ALYREF: variants seen among roughly 807,000 people sequenced by gnomAD.
The protein encoded by ALYREF is THO complex subunit 4.
Under a neutral mutation model 25.2 loss-of-function variants are expected in ALYREF, and 1 was observed. The observed-to-expected ratio is 0.04, with a 90% CI of 0.01 to 0.19. The LOEUF is 0.19. Among genes scored for constraint, ALYREF ranks in the 10% least tolerant of loss-of-function variants. ALYREF has a pLI of 1.00. For missense variants in ALYREF, 328 were observed against 375.6 expected (o/e 0.87, Z 1.05); for synonymous variants, 193 against 153.5 (o/e 1.26, Z -1.90).
chr17:81,889,302 T>C lies in ALYREF; in HGVS notation c.418A>G (p.Lys140Glu). 6.2e-7 allele frequency: 1 copy of C among 1,614,134 alleles called. No homozygotes were observed. The highest frequency in any genetic ancestry group is 8.5e-7 in the Non-Finnish European group (1 of 1,179,968). ...QELFAEFGTL[K>E]KAAVHYDRSG... is the part of the protein sequence containing the mutation. ...CGATCATAGTGCACAGCCGCCTTCT[T>C]CAGCGTTCCAAATTCAGCAAAGAGT... The change falls in exon 3 of 6, where the codon AAG becomes GAG. Residue 140 changes from lysine to glutamate, a missense_variant. Transcript: ENST00000505490.
chr17:81,890,501 G>A (rs967749033), intron 2 of ALYREF, among the ~76,000 whole-genome samples, 188 bp downstream of exon 2: 2 of 152,104 alleles, frequency 1.3e-5, no homozygotes, highest in Admixed American at 1.3e-4. Context: ...AGTTCCTCAG[G>A]CTCAGCTAGG....
At chr17:81,889,474 G>T in intron 2 of ALYREF, 145 bp from the exon 3 acceptor site, 1 of 945,524 alleles carries the variant, frequency 1.1e-6, no homozygotes, top group Non-Finnish European at 1.6e-6. Flanking sequence ...TGAGGGAAGG[G>T]CGGGGCAGGA....
At chr17:81,890,892 T>G (rs948194085) in intron 1 of ALYREF, 72 bp from the exon 2 acceptor site, 30 of 1,595,340 alleles carry the variant, frequency 1.9e-5, no homozygotes, top group Non-Finnish European at 2.6e-5. Context: ...TCACGGCTAC[T>G]CCGGACCCTT....
rs911659099 is a variant in ALYREF, at chr17:81,891,572, A to C, written c.9T>G (p.Asp3Glu). 16 of 1,415,104 alleles carry C rather than the reference A, an allele frequency of 1.1e-5. No individual in the cohort carries two copies. Among genetic ancestry groups the C allele is most frequent in the Middle Eastern group, 3.7e-4 (2 of 5,448 alleles). The allele number at this position is 1,415,104 out of a possible 1,614,324, so 87.7% of individuals were successfully genotyped here. MPDSAPAMADKMD... is the reference protein window; with the variant it reads MPESAPAMADKMD... ...TTTTGTCGGCCATGGCGGGCGCGGA[A>C]TCGGGCATCGGCTCGAGCCCGCGCG... The change falls in exon 1 of 6, where the codon GAT becomes GAG. Residue 3 changes from aspartate (D) to glutamate (E), a missense_variant. By Grantham distance (45) the Asp-to-Glu change is conservative (BLOSUM62 2). Coordinates refer to ENST00000505490, the MANE Select transcript of ALYREF (RefSeq NM_005782.4).
In ALYREF at chr17:81,888,161, G is replaced by A. The variant is rs1384383592; in HGVS notation, c.781-16C>T. On this transcript the variant is annotated splice_polypyrimidine_tract_variant and intron_variant, in intron 5 of 5. Transcript: ENST00000505490. This position sits in a 1 kb window ranked among gnomAD's most constrained non-coding sequence, Gnocchi z 5.8. Reference sequence around the variant, plus strand: ...TGGTGTCCATCTGAAACACAGAGGAGAAAGAGGCTTGCATTCACAGGCGGC... The same window carrying A: ...TGGTGTCCATCTGAAACACAGAGGAAAAAGAGGCTTGCATTCACAGGCGGC... 4 of 1,614,116 alleles carry A rather than the reference G, an allele frequency of 2.5e-6. No homozygotes were observed. Among genetic ancestry groups the A allele is most frequent in the East Asian group, 2.2e-5 (1 of 44,876 alleles).
At chr17:81,890,668 C>G (rs755951129) in intron 2 of ALYREF, 21 bp downstream of exon 2, 15 of 1,611,736 alleles carry the variant, frequency 9.3e-6, no homozygotes, top group Non-Finnish European at 1.3e-5. Context: ...AACGGCTCAC[C>G]GAGAAGCCCT....
chr17:81,889,160 G>T (rs183694273), intron 3 of ALYREF, 22 bp downstream of exon 3: 2 of 1,611,478 alleles, frequency 1.2e-6, no homozygotes, highest in Middle Eastern at 1.7e-4. Context: ...CACAGTCAGC[G>T]TGGGTCCACC....
At position 81,888,545 on chromosome 17, in the gene ALYREF, C is replaced by G. The variant is rs1482369600; in HGVS notation, c.577G>C (p.Asp193His). ...CTCTGTGCAGGCCTCCGCTGTGCGT[C>G]AATCTGTGACGTGACAAGCTGAATG... ...MNIQLVTSQI[D>H]AQRRPAQSVN... The change falls in exon 4 of 6, where the codon GAC becomes CAC. Residue 193 changes from aspartate (D) to histidine (H), a missense_variant. Transcript: ENST00000505490. This position sits in a 1 kb window ranked among gnomAD's most constrained non-coding sequence, Gnocchi z 5.8. 1 of 1,596,974 alleles carries G rather than the reference C, an allele frequency of 6.3e-7. No individual in the cohort carries two copies. Among genetic ancestry groups the G allele is most frequent in the Non-Finnish European group, 8.5e-7 (1 of 1,170,930 alleles).
At chr17:81,891,066 T>C in intron 1 of ALYREF, 2 of 675,984 alleles carry the variant, frequency 3.0e-6, no homozygotes, top group Non-Finnish European at 4.8e-6. Flanking sequence ...CGTCCCCTCC[T>C]CTCCTGCCAC....
chr17:81,891,283 C>T, intron 1 of ALYREF, 40 bp downstream of exon 1: 1 of 1,114,836 alleles, frequency 9.0e-7, no homozygotes, highest in African/African-American at 1.7e-5. Flanking sequence ...CCCCGGCTGG[C>T]CCCCTCCCAC....
chr17:81,889,098 G>C (rs2039468536), intron 3 of ALYREF, 84 bp downstream of exon 3: 1 of 1,566,686 alleles, frequency 6.4e-7, no homozygotes, highest in African/African-American at 1.4e-5. Flanking sequence ...CAGCCACAGG[G>C]GTACCCCATA....
chr17:81,888,393 T>G lies in ALYREF; in HGVS notation c.628A>C (p.Asn210His). 1 of 1,600,854 alleles carries G rather than the reference T, an allele frequency of 6.2e-7. No individual in the cohort carries two copies. Residue 210 changes from asparagine (N) to histidine (H), a missense_variant, in exon 5 of 6, where the codon AAC (asparagine) becomes CAC (histidine). Transcript: ENST00000505490. This position sits in a 1 kb window ranked among gnomAD's most constrained non-coding sequence, Gnocchi z 5.8. ...QSVNRGGMTR[N>H]RGAGGFGGGG... Reference sequence around the variant, plus strand: ...CCACCAAAACCTCCAGCGCCACGGTTTCTAGTCATGCCACCTCTGTTTACG... The same window carrying G: ...CCACCAAAACCTCCAGCGCCACGGTGTCTAGTCATGCCACCTCTGTTTACG...
At position 81,888,515 on chromosome 17, in the gene ALYREF, G is replaced by C. The variant is rs1322305853; in HGVS notation, c.602+5C>G. On this transcript the variant is annotated splice_donor_5th_base_variant and intron_variant, in intron 4 of 5. Transcript: ENST00000505490. The surrounding 1 kb of genome is among the most constrained non-coding windows in gnomAD (Gnocchi z 5.8). The stretch of plus-strand genomic sequence containing the variant: ...ATCCCCTTCCCCAGAGGCCCCGGAA[G>C]TCACCTCTGTGCAGGCCTCCGCTGT... 2 of 1,599,550 alleles carry C rather than the reference G, an allele frequency of 1.3e-6. No homozygotes were observed. The highest frequency in any genetic ancestry group is 2.2e-5 in the East Asian group (1 of 44,548).
Position 81,888,193 on chromosome 17 carries a change from C to T in ALYREF, c.780+48G>A. 1 of 1,614,080 alleles carries T rather than the reference C, an allele frequency of 6.2e-7. No individual in the cohort carries two copies. The highest frequency in any genetic ancestry group is 8.5e-7 in the Non-Finnish European group (1 of 1,180,016). ...GCTTGCATTCACAGGCGGCCTGCTC[C>T]CCACTGCGGCTTTGACCAGGCCCCC... On this transcript the variant is annotated intron_variant, in intron 5 of 5. Transcript: ENST00000505490. This position sits in a 1 kb window ranked among gnomAD's most constrained non-coding sequence, Gnocchi z 5.8.
intron 1 of ALYREF, 103 bp from the exon 2 acceptor site, chr17:81,890,923 A>G: frequency 6.5e-7 from 1 of 1,537,064 alleles, no homozygotes; most frequent in Non-Finnish European, 8.8e-7. Flanking sequence ...GCCTGAGAGG[A>G]TCCGGCCGAA....
At position 81,888,028 on chromosome 17, in the gene ALYREF, A is replaced by G; in HGVS notation, c.*103T>C. 1 of 1,427,866 alleles carries G rather than the reference A, an allele frequency of 7.0e-7. No individual in the cohort carries two copies. 88.4% of individuals were successfully genotyped at this position (1,427,866 alleles called of 1,614,324 possible). On this transcript the variant is annotated 3_prime_UTR_variant, in exon 6 of 6. Coordinates refer to ENST00000505490, the MANE Select transcript of ALYREF (RefSeq NM_005782.4). The surrounding 1 kb of genome is among the most constrained non-coding windows in gnomAD (Gnocchi z 5.8). ...TAAATCCTATTTTAAAACATAAAAG[A>G]AACAAATCCATCATTGGCCGCACAG...
Position 81,888,381 on chromosome 17 carries a change from C to T in ALYREF, c.640G>A (p.Gly214Arg), listed in dbSNP as rs1452579186. 1.9e-6 allele frequency: 3 copies of T among 1,601,354 alleles called. No individual in the cohort carries two copies. Among genetic ancestry groups the T allele is most frequent in the South Asian group, 2.2e-5 (2 of 90,540 alleles). The change falls in exon 5 of 6, where the codon GGA becomes AGA. Residue 214 changes from glycine (G) to arginine (R), a missense_variant. By Grantham distance (125) the Gly-to-Arg change is moderately radical (BLOSUM62 -2). Coordinates refer to ENST00000505490, the MANE Select transcript of ALYREF (RefSeq NM_005782.4). The surrounding 1 kb of genome is among the most constrained non-coding windows in gnomAD (Gnocchi z 5.8). The stretch of plus-strand genomic sequence containing the variant: ...GTGCCTCCACCACCACCAAAACCTC[C>T]AGCGCCACGGTTTCTAGTCATGCCA... The part of the protein sequence containing the change: ...RGGMTRNRGA[G>R]GFGGGGGTRR...
chr17:81,889,011 G>A (rs2039467621), intron 3 of ALYREF, 171 bp downstream of exon 3: 1 of 1,437,788 alleles, frequency 7.0e-7, no homozygotes, highest in Non-Finnish European at 9.1e-7. Flanking sequence ...TTCACAAGAG[G>A]TTGGTCCAGA....
chr17:81,888,022 T>C lies in ALYREF; in HGVS notation c.*109A>G. The C allele has an allele frequency of 1.6e-6, 2 of 1,247,282 alleles. No individual in the cohort carries two copies. Among genetic ancestry groups the C allele is most frequent in the Non-Finnish European group, 2.2e-6 (2 of 908,814 alleles). The allele number at this position is 1,247,282 out of a possible 1,614,324, so 77.3% of individuals were successfully genotyped here. A position where few individuals can be genotyped will look rare whatever the true frequency, so the allele number is the denominator to read the frequency against. ...AGTTTTTAAATCCTATTTTAAAACA[T>C]AAAAGAAACAAATCCATCATTGGCC... On this transcript the variant is annotated 3_prime_UTR_variant, in exon 6 of 6. Coordinates refer to ENST00000505490, the MANE Select transcript of ALYREF (RefSeq NM_005782.4). This position sits in a 1 kb window ranked among gnomAD's most constrained non-coding sequence, Gnocchi z 5.8.
Sources: gnomAD v4.1 joint callset for allele counts (sites outside exome capture counted in the v4.1 genomes callset) on GRCh38, gnomAD v4.1.1 for gene constraint, Gnocchi (gnomAD v3.1) non-coding constraint, MANE v1.5 for transcripts, NCBI Gene and HGNC (gene_info 2026-07-23, HGNC 2026-07-21) for gene names.